PTPRD: variants seen among roughly 807,000 people sequenced by gnomAD.
The protein encoded by PTPRD is receptor-type tyrosine-protein phosphatase delta.
PTPRD carries 34 observed loss-of-function variants against 214.5 expected under a neutral mutation model. The observed-to-expected ratio is 0.16, with a 90% CI of 0.12 to 0.21. PTPRD has a LOEUF of 0.21. Among genes scored for constraint, PTPRD ranks in the 10% least tolerant of loss-of-function variants. PTPRD has a pLI of 1.00. For synonymous variants in PTPRD, 1,128 were observed against 845.7 expected (o/e 1.33, Z -5.79); for missense variants, 2,545 against 2,398.7 (o/e 1.06, Z -1.27).
intron 3 of PTPRD, among the ~76,000 whole-genome samples, chr9:10,100,814 T>C (rs961000187): frequency 1.3e-5 from 2 of 151,532 alleles, no homozygotes; most frequent in Non-Finnish European, 3.0e-5. Flanking sequence ...TCCTCCTTGT[T>C]TTGTAGAAGA....
intron 11 of PTPRD, among the ~76,000 whole-genome samples, chr9:8,773,908 A>C (rs2095346272): frequency 6.6e-6 from 1 of 152,198 alleles, no homozygotes; most frequent in Non-Finnish European, 1.5e-5. Context: ...GATCAACACA[A>C]ATGTAATGTC....
intron 21 of PTPRD, among the ~76,000 whole-genome samples, chr9:8,512,362 T>C (rs1313580836): frequency 2.6e-5 from 4 of 152,040 alleles, no homozygotes; most frequent in Non-Finnish European, 4.4e-5. Flanking sequence ...AAAAGTTAAA[T>C]TTTATTATAG....
Position 10,205,097 on chromosome 9 carries a change from T to G in PTPRD, c.-545+135866A>C, listed in dbSNP as rs564398014. Among the ~76,000 whole-genome samples, 456 of 152,250 alleles carry G rather than the reference T, an allele frequency of 3.0e-3. 3 individuals are homozygous for G. Among genetic ancestry groups the G allele is most frequent in the African/African-American group, 9.1e-3 (379 of 41,576 alleles). ...AAGTGGCTGCCAGCCATATGCCTTA[T>G]CTATGTATATGTGTATTTATTTATA... On this transcript the variant is annotated intron_variant, in intron 3 of 45. Coordinates refer to ENST00000381196, the MANE Select transcript of PTPRD (RefSeq NM_002839.4).
intron 14 of PTPRD, among the ~76,000 whole-genome samples, chr9:8,566,100 ATGTGTGTGTGTGTGTGTGTGTG>A (rs139478736): frequency 5.8e-5 from 8 of 137,922 alleles, no homozygotes; most frequent in African/African-American, 2.2e-4. Context: ...AATGCAAAAT[ATGTGTGTGTGTGTGTGTGTGTG>A]TGTGTGTGTG....
chr9:8,521,809 A>G (rs1363239016), intron 19 of PTPRD, among the ~76,000 whole-genome samples: 1 of 152,226 alleles, frequency 6.6e-6, no homozygotes, highest in Non-Finnish European at 1.5e-5. Context: ...GGGCCCCACA[A>G]AAAACTATCT....
chr9:9,027,673 TATC>T (rs1192368576), intron 10 of PTPRD, among the ~76,000 whole-genome samples: 1 of 151,912 alleles, frequency 6.6e-6, no homozygotes, highest in African/African-American at 2.4e-5. Context: ...TCCTATCACA[TATC>T]ATTGAGGTGT....
chr9:8,980,172 T>TA (rs908933083), intron 11 of PTPRD, among the ~76,000 whole-genome samples: 1 of 151,644 alleles, frequency 6.6e-6, no homozygotes, highest in Admixed American at 6.6e-5. Flanking sequence ...TGAATTTTTT[T>TA]AAAAAAAGAA....
intron 10 of PTPRD, among the ~76,000 whole-genome samples, chr9:9,145,235 T>C (rs567429384): frequency 6.6e-6 from 1 of 152,298 alleles, no homozygotes; most frequent in African/African-American, 2.4e-5. Flanking sequence ...ACCAGATAAT[T>C]TATGTGTACT....
intron 2 of PTPRD, among the ~76,000 whole-genome samples, chr9:10,350,133 G>T (rs1348147725): frequency 6.6e-6 from 1 of 150,986 alleles, no homozygotes; most frequent in Non-Finnish European, 1.5e-5. Context: ...TCATTGGTGT[G>T]CAGAGTATAC....
chr9:8,383,496 T>C (rs962355473), intron 37 of PTPRD, among the ~76,000 whole-genome samples: 3 of 152,182 alleles, frequency 2.0e-5, no homozygotes, highest in Admixed American at 6.5e-5. Context: ...TGGCCTAAGA[T>C]AGAACTCAAG....
intron 39 of PTPRD, among the ~76,000 whole-genome samples, chr9:8,362,922 A>G (rs182425945): frequency 1.3e-5 from 2 of 152,326 alleles, no homozygotes; most frequent in Admixed American, 1.3e-4. Flanking sequence ...CATGGAATTC[A>G]GAGTTGTTTT....
At chr9:8,339,782 C>G (rs1442501200) in intron 42 of PTPRD, among the ~76,000 whole-genome samples, 2 of 150,546 alleles carry the variant, frequency 1.3e-5, no homozygotes, top group Admixed American at 6.6e-5. Flanking sequence ...AGTGGTAGAG[C>G]AGTATTAATA....
At chr9:10,528,048 A>G (rs1264932233) in intron 2 of PTPRD, among the ~76,000 whole-genome samples, 1 of 152,122 alleles carries the variant, frequency 6.6e-6, no homozygotes. Flanking sequence ...CAAAACCTCA[A>G]CAAGGATTCT....
chr9:10,593,231 C>A (rs10959185), intron 2 of PTPRD, among the ~76,000 whole-genome samples: 32,029 of 151,862 alleles, frequency 0.21, 4,823 homozygotes, highest in East Asian at 0.57. Context: ...TAAATAATGG[C>A]GATAATTCAA....
intron 3 of PTPRD, among the ~76,000 whole-genome samples, chr9:10,162,170 G>A (rs1271396481): frequency 6.6e-6 from 1 of 151,398 alleles, no homozygotes; most frequent in Non-Finnish European, 1.5e-5. Context: ...AACTACCTTA[G>A]GATCCAGCAA....
At position 10,588,211 on chromosome 9, in the gene PTPRD, A is replaced by C. The variant is rs1014147681; in HGVS notation, c.-600+24187T>G. Reference sequence around the variant, plus strand: ...TTCAAAGAGATGTCAATGACAAATTAATGAGTGCTCTCAGTTTTATAGTTG... The same window carrying C: ...TTCAAAGAGATGTCAATGACAAATTCATGAGTGCTCTCAGTTTTATAGTTG... On this transcript the variant is annotated intron_variant, in intron 2 of 45. Transcript: ENST00000381196. 6.6e-5 allele frequency among the ~76,000 whole-genome samples: 10 copies of C among 152,196 alleles called. No homozygotes were observed. In the East Asian group the frequency reaches 1.7e-3, roughly 27 times the overall value.
At chr9:9,847,276 C>A (rs1164811372) in intron 5 of PTPRD, among the ~76,000 whole-genome samples, 2 of 152,074 alleles carry the variant, frequency 1.3e-5, no homozygotes, top group Non-Finnish European at 2.9e-5. Context: ...TTCAATGGGA[C>A]ACATACTATC....
chr9:8,722,925 G>GT (rs1394892697), intron 12 of PTPRD, among the ~76,000 whole-genome samples: 1 of 152,148 alleles, frequency 6.6e-6, no homozygotes, highest in Non-Finnish European at 1.5e-5. Flanking sequence ...CAGTTAAGCT[G>GT]TTTAGACAGT....
intron 27 of PTPRD, among the ~76,000 whole-genome samples, chr9:8,486,742 T>C (rs914841469): frequency 6.6e-6 from 1 of 152,234 alleles, no homozygotes; most frequent in African/African-American, 2.4e-5. Flanking sequence ...GTTGAATATG[T>C]GCAATGTACC....
Sources: allele counts gnomAD v4.1 joint callset (sites outside exome capture counted in the v4.1 genomes callset), GRCh38; gene constraint gnomAD v4.1.1; transcripts MANE v1.5; gene names NCBI Gene and HGNC (gene_info 2026-07-23, HGNC 2026-07-21).